Variants in NAV2 observed in about 807,000 individuals in gnomAD.
NAV2 encodes helicase, APC down-regulated 1.
A neutral mutation model predicts 223.2 loss-of-function variants in NAV2; 54 were observed. That is an observed-to-expected ratio of 0.24 (90% confidence interval 0.19 to 0.30). The LOEUF is 0.30. NAV2 is among the 10% of genes least tolerant of loss of function. NAV2 has a pLI of 1.00. For missense variants in NAV2, 2,806 were observed against 3,147.5 expected (o/e 0.89, Z 2.60); for synonymous variants, 1,279 against 1,239.3 (o/e 1.03, Z -0.67).
At chr11:19,956,154 T>C (rs1166046975) in intron 10 of NAV2, among the ~76,000 whole-genome samples, 5 of 152,140 alleles carry the variant, frequency 3.3e-5, no homozygotes, top group Non-Finnish European at 7.4e-5. Flanking sequence ...GACAGACCCA[T>C]CTGTAGGGCT....
At chr11:20,046,660 A>G (rs2057473364) in intron 14 of NAV2, among the ~76,000 whole-genome samples, 1 of 151,922 alleles carries the variant, frequency 6.6e-6, no homozygotes. Flanking sequence ...GAAAAAGAGA[A>G]GTTGATTTCC....
At chr11:19,495,045 G>T (rs551257189) in intron 1 of NAV2, among the ~76,000 whole-genome samples, 5 of 152,206 alleles carry the variant, frequency 3.3e-5, no homozygotes, top group Admixed American at 6.5e-5. Context: ...AAGCAGGCAG[G>T]CCTTAGGGCC....
At chr11:19,821,076 C>A (rs892892303) in intron 1 of NAV2, among the ~76,000 whole-genome samples, 7 of 152,124 alleles carry the variant, frequency 4.6e-5, no homozygotes, top group South Asian at 2.1e-4. Flanking sequence ...TCCTGGCTAA[C>A]ACGGTGAAAC....
intron 6 of NAV2, among the ~76,000 whole-genome samples, chr11:19,897,345 C>A (rs2042076156): frequency 1.3e-5 from 2 of 151,984 alleles, no homozygotes; most frequent in African/African-American, 4.8e-5. Context: ...AACTAACCTG[C>A]ACGTTGTGCA....
intron 1 of NAV2, among the ~76,000 whole-genome samples, chr11:19,433,187 T>C (rs920671794): frequency 2.6e-5 from 4 of 152,210 alleles, no homozygotes; most frequent in Admixed American, 6.5e-5. Flanking sequence ...TTTGAGAGGA[T>C]GCCTCTAAAG....
rs147899165 is a variant in NAV2 at position 19,630,003 on chromosome 11, G to A, written c.76-202481G>A. ...CCTCTGATTTATGAGGCAGCCCCTG[G>A]GGCCGCTACATGTTTCCCCAACTCT... On this transcript the variant is annotated intron_variant, in intron 1 of 37. Transcript: ENST00000360655. Among the ~76,000 whole-genome samples, 81 of 152,142 alleles carry A rather than the reference G, an allele frequency of 5.3e-4. 2 individuals are homozygous for A. Among genetic ancestry groups the A allele is most frequent in the African/African-American group, 1.9e-3 (77 of 41,476 alleles).
chr11:19,866,158 G>A (rs2062078193), intron 3 of NAV2, among the ~76,000 whole-genome samples: 2 of 152,268 alleles, frequency 1.3e-5, no homozygotes, highest in Admixed American at 1.3e-4. Context: ...ATGAATGCTT[G>A]AAATAATCCT....
intron 22 of NAV2, among the ~76,000 whole-genome samples, chr11:20,071,343 C>T (rs953426292): frequency 6.6e-6 from 1 of 152,130 alleles, no homozygotes; most frequent in African/African-American, 2.4e-5. Flanking sequence ...TGCCACATGT[C>T]TTTATCCACT....
At chr11:19,485,637 C>A (rs751794048) in intron 1 of NAV2, among the ~76,000 whole-genome samples, 1 of 152,062 alleles carries the variant, frequency 6.6e-6, no homozygotes, top group African/African-American at 2.4e-5. Context: ...CCCATTAATG[C>A]CCATTAGGTT....
intron 1 of NAV2, among the ~76,000 whole-genome samples, chr11:19,693,332 C>G (rs1393930230): frequency 6.6e-6 from 1 of 152,166 alleles, no homozygotes; most frequent in Non-Finnish European, 1.5e-5. Context: ...GCGGCAACAG[C>G]TAGAGGAAAT....
At chr11:19,498,476 T>C (rs1214061231) in intron 1 of NAV2, among the ~76,000 whole-genome samples, 2 of 152,220 alleles carry the variant, frequency 1.3e-5, no homozygotes, top group African/African-American at 4.8e-5. Flanking sequence ...TAGAACTCAG[T>C]GAGAAAATAT....
chr11:19,505,402 A>G (rs2043092711), intron 1 of NAV2: 1 of 152,252 alleles, frequency 6.6e-6, no homozygotes, highest in Non-Finnish European at 1.5e-5. Flanking sequence ...GACACTGCAT[A>G]TGTGGTTTTG....
chr11:19,477,051 GCCCCC>G (rs2042139351), intron 1 of NAV2, among the ~76,000 whole-genome samples: 4 of 152,080 alleles, frequency 2.6e-5, no homozygotes, highest in Non-Finnish European at 4.4e-5. Context: ...GGGGTCCTTT[GCCCCC>G]ACACCTGGTC....
upstream of NAV2, among the ~76,000 whole-genome samples, chr11:19,348,364 G>A (rs1253953469): frequency 6.6e-6 from 1 of 152,174 alleles, no homozygotes; most frequent in Non-Finnish European, 1.5e-5. Flanking sequence ...AGGGCCAGTA[G>A]CTATGAAAAG....
At chr11:19,609,656 A>G (rs17527360) in intron 1 of NAV2, among the ~76,000 whole-genome samples, 5,569 of 152,344 alleles carry the variant, frequency 0.037, 130 homozygotes, top group Non-Finnish European at 0.059. Context: ...AGGGCTAAGC[A>G]GAGACTAACC....
rs2058001089 is a variant in NAV2 at position 20,051,446 on chromosome 11, CCA to C, written c.4481+115_4481+116del. 3.1e-5 allele frequency: 29 copies of C among 922,424 alleles called. No homozygotes were observed. The South Asian group carries it at 3.3e-4, about 10-fold the overall frequency. 57.1% of individuals were successfully genotyped at this position (922,424 alleles called of 1,614,324 possible). On this transcript the variant is annotated intron_variant, in intron 17 of 37. Coordinates refer to ENST00000349880, the MANE Select transcript of NAV2 (RefSeq NM_145117.5). Reference sequence around the variant, plus strand: ...GGCTGGGCTGGGGTCCCCGCTTTGACCACCACAGCAGGACCTTTTGGATGACG... The same window carrying C: ...GGCTGGGCTGGGGTCCCCGCTTTGACCCACAGCAGGACCTTTTGGATGACG...
Position 19,871,539 on chromosome 11 carries a change from C to A in NAV2, c.511+2542C>A, listed in dbSNP as rs528644459. 2.6e-5 allele frequency among the ~76,000 whole-genome samples: 4 copies of A among 152,196 alleles called. No homozygotes were observed. The East Asian group carries it at 7.7e-4, about 29-fold the overall frequency. The stretch of plus-strand genomic sequence containing the variant: ...GGTAGTCTCAGCAGGCCCTGCTGAC[C>A]AGGACTTACTCCCATGTAGCTCCCG... On this transcript the variant is annotated intron_variant, in intron 4 of 37. Transcript: ENST00000349880.
intron 1 of NAV2, among the ~76,000 whole-genome samples, chr11:19,660,808 T>C (rs2048256054): frequency 6.6e-6 from 1 of 152,200 alleles, no homozygotes; most frequent in Non-Finnish European, 1.5e-5. Context: ...CAGTCGAGAA[T>C]GGAGAGTTGT....
chr11:19,692,923 T>C (rs1254730024), intron 1 of NAV2, among the ~76,000 whole-genome samples: 1 of 152,220 alleles, frequency 6.6e-6, no homozygotes, highest in East Asian at 1.9e-4. Context: ...GTACATTTGA[T>C]AGGCTCCAAA....
Sources: gnomAD v4.1 joint callset for allele counts (sites outside exome capture counted in the v4.1 genomes callset) on GRCh38, gnomAD v4.1.1 for gene constraint, MANE v1.5 for transcripts, NCBI Gene and HGNC (gene_info 2026-07-23, HGNC 2026-07-21) for gene names.